The following DUSP14 variants were observed in gnomAD, a reference collection of about 807,000 sequenced individuals.
DUSP14 encodes dual specificity phosphatase 14.
Under a neutral mutation model 13.2 loss-of-function variants are expected in DUSP14, and 5 were observed. The observed-to-expected ratio is 0.38, with a 90% CI of 0.20 to 0.80. The LOEUF is 0.80. Ranked by LOEUF, DUSP14 falls within the 30% of genes least tolerant of loss-of-function variation. DUSP14 has a pLI of 0.44. For synonymous variants in DUSP14, 91 were observed against 103.4 expected (o/e 0.88, Z 0.73); for missense variants, 185 against 264.0 (o/e 0.70, Z 2.07).
At chr17:37,492,341 T>TG (rs1465998155) in intron 1 of DUSP14, among the ~76,000 whole-genome samples, 5 of 152,228 alleles carry the variant, frequency 3.3e-5, no homozygotes, top group African/African-American at 1.2e-4. Context: ...AACCAAGGCC[T>TG]GGGTATAAAC....
At chr17:37,508,734 A>AATATATATATAT (rs35158443) in intron 1 of DUSP14, among the ~76,000 whole-genome samples, 1 of 144,154 alleles carries the variant, frequency 6.9e-6, no homozygotes, top group African/African-American at 2.5e-5. Flanking sequence ...ACTCCATCTC[A>AATATATATATAT]ATATATATAT....
Position 37,510,842 on chromosome 17 carries a change from G to A in DUSP14, c.-93+78G>A, listed in dbSNP as rs139807374. On this transcript the variant is annotated intron_variant, in intron 2 of 2. Transcript: ENST00000617516. ...CTGAAATCACTGCAGGCTTCCCGAC[G>A]ATCCCCTGGGTGTGTGTGGGCAGGC... 6 of 152,078 alleles carry A rather than the reference G, an allele frequency of 3.9e-5. No homozygotes were observed. The East Asian group carries it at 9.7e-4, about 24-fold the overall frequency. 9.4% of individuals were successfully genotyped at this position (152,078 alleles called of 1,614,324 possible).
rs184331983 is a variant in DUSP14, at chr17:37,499,395, A to G, written c.-181+9437A>G. Among the ~76,000 whole-genome samples the G allele has an allele frequency of 4.4e-4, 67 of 152,228 alleles. 1 individual carries two copies. In the Middle Eastern group the frequency reaches 0.01, roughly 23 times the overall value. The stretch of plus-strand genomic sequence containing the variant: ...CACTGTTTGGCTCAGTCTGGAGTAC[A>G]GTGGCATGATCCTGGCTCACTGCAG... On this transcript the variant is annotated intron_variant, in intron 1 of 2. Transcript: ENST00000617516.
chr17:37,508,563 G>A lies in DUSP14; in HGVS notation c.-180-2114G>A, dbSNP rs141611003. 5.9e-5 allele frequency among the ~76,000 whole-genome samples: 9 copies of A among 152,016 alleles called. No homozygotes were observed. In the East Asian group the frequency reaches 7.8e-4, roughly 13 times the overall value. ...AGCCTGGCCAATGTGGCAAAACTCC[G>A]TCTCTACTTAAAGTACAAAAAATAG... On this transcript the variant is annotated intron_variant, in intron 1 of 2. Coordinates refer to ENST00000617516, the MANE Select transcript of DUSP14 (RefSeq NM_007026.4).
intron 1 of DUSP14, among the ~76,000 whole-genome samples, chr17:37,493,850 A>C (rs1015593356): frequency 1.3e-5 from 2 of 152,060 alleles, no homozygotes; most frequent in Non-Finnish European, 2.9e-5. Context: ...TGTAGTGTGC[A>C]GGAACCCAGG....
chr17:37,491,512 G>C (rs957942263), intron 1 of DUSP14: 1 of 152,118 alleles, frequency 6.6e-6, no homozygotes, highest in African/African-American at 2.4e-5. Flanking sequence ...TGGTATTTTT[G>C]GCTTTCCACC....
Position 37,509,104 on chromosome 17 carries a change from CATATATAT to C in DUSP14, c.-180-1555_-180-1548del, listed in dbSNP as rs1164025226. 8.3e-5 allele frequency among the ~76,000 whole-genome samples: 3 copies of C among 36,040 alleles called. 1 individual carries two copies. The highest frequency in any genetic ancestry group is 3.7e-4 in the African/African-American group (2 of 5,360). The allele number at this position is 36,040 out of a possible 152,430, so 23.6% of individuals were successfully genotyped here. ...AGCCAGACCAAAAAAAAAAAAAACC[CATATATAT>C]ATATATATATATATATACACACACA... On this transcript the variant is annotated intron_variant, in intron 1 of 2. Transcript: ENST00000617516.
intron 1 of DUSP14, among the ~76,000 whole-genome samples, chr17:37,496,504 C>T (rs1459022696): frequency 6.6e-6 from 1 of 151,968 alleles, no homozygotes; most frequent in African/African-American, 2.4e-5. Context: ...GCCTGTAATC[C>T]CAGCACTTTG....
rs1040472592 is a variant in DUSP14 at position 37,502,246 on chromosome 17, A to G, written c.-180-8431A>G. On this transcript the variant is annotated intron_variant, in intron 1 of 2. Transcript: ENST00000617516. ...CCCCAGGCTGGAGTGCAGTGGTGCA[A>G]TCACAGCTCCCTGCCCCTTTGACCT... Among the ~76,000 whole-genome samples the G allele has an allele frequency of 3.9e-5, 6 of 151,910 alleles. No homozygotes were observed. In the South Asian group the frequency reaches 1.2e-3, roughly 32 times the overall value.
chr17:37,508,501 A>G (rs779546232), intron 1 of DUSP14, among the ~76,000 whole-genome samples: 1 of 152,154 alleles, frequency 6.6e-6, no homozygotes, highest in Non-Finnish European at 1.5e-5. Flanking sequence ...TGGGAGGCCA[A>G]GGTGGGTGGA....
intron 2 of DUSP14, among the ~76,000 whole-genome samples, chr17:37,511,228 C>T (rs556813330): frequency 2.6e-5 from 4 of 152,194 alleles, no homozygotes; most frequent in African/African-American, 9.6e-5. Context: ...GGATTATTTC[C>T]ATGGAAATGC....
chr17:37,502,716 AC>A (rs1342616113), intron 1 of DUSP14, among the ~76,000 whole-genome samples: 1 of 152,028 alleles, frequency 6.6e-6, no homozygotes, highest in East Asian at 1.9e-4. Flanking sequence ...TTAGCTAAAC[AC>A]CCATGGCCTC....
intron 1 of DUSP14, among the ~76,000 whole-genome samples, chr17:37,506,882 G>C (rs1392291706): frequency 6.6e-6 from 1 of 152,160 alleles, no homozygotes; most frequent in African/African-American, 2.4e-5. Flanking sequence ...CGGCCCATCT[G>C]GGCTTAGCCT....
At chr17:37,508,260 G>A (rs2143110541) in intron 1 of DUSP14, among the ~76,000 whole-genome samples, 1 of 152,072 alleles carries the variant, frequency 6.6e-6, no homozygotes, top group Non-Finnish European at 1.5e-5. Context: ...CACCTCTGCA[G>A]CAGTTCTCAG....
At chr17:37,499,597 C>T (rs853212) in intron 1 of DUSP14, among the ~76,000 whole-genome samples, 1,998 of 152,160 alleles carry the variant, frequency 0.013, 48 homozygotes, top group African/African-American at 0.046. Context: ...GGCGCGATCT[C>T]GGCTCACTGC....
At chr17:37,494,442 G>T (rs1421696263) in intron 1 of DUSP14, among the ~76,000 whole-genome samples, 1 of 152,144 alleles carries the variant, frequency 6.6e-6, no homozygotes, top group Non-Finnish European at 1.5e-5. Flanking sequence ...GAACTGCTGG[G>T]CTCAAGGGAT....
Position 37,512,465 on chromosome 17 carries a change from A to G in DUSP14, c.193A>G (p.Asn65Asp). 1 of 1,614,124 alleles carries G rather than the reference A, an allele frequency of 6.2e-7. No individual in the cohort carries two copies. The highest frequency in any genetic ancestry group is 8.5e-7 in the Non-Finnish European group (1 of 1,180,012). Residue 65 changes from asparagine to aspartate, a missense_variant, in exon 3 of 3, where the codon AAT becomes GAT. Physicochemically the swap from Asn to Asp is conservative, Grantham distance 23. Coordinates refer to ENST00000617516, the MANE Select transcript of DUSP14 (RefSeq NM_007026.4). The surrounding 1 kb of genome is among the most constrained non-coding windows in gnomAD (Gnocchi z 4.8). ...CIVNATIEIP[N>D]FNWPQFEYVK... ...TGTTAATGCTACCATTGAGATCCCT[A>G]ATTTCAACTGGCCCCAATTTGAGTA...
intron 1 of DUSP14, among the ~76,000 whole-genome samples, chr17:37,504,048 G>T (rs963481806): frequency 6.6e-6 from 1 of 152,166 alleles, no homozygotes; most frequent in African/African-American, 2.4e-5. Flanking sequence ...ACAAAAATTA[G>T]CCAGGTGTGG....
chr17:37,498,680 T>G (rs865982519), intron 1 of DUSP14, among the ~76,000 whole-genome samples: 11 of 138,900 alleles, frequency 7.9e-5, no homozygotes, highest in Admixed American at 4.8e-4. Flanking sequence ...TAATCAGTTT[T>G]TTTTTTTTTT....
Sources: allele counts gnomAD v4.1 joint callset (sites outside exome capture counted in the v4.1 genomes callset), GRCh38; gene constraint gnomAD v4.1.1; non-coding constraint Gnocchi (gnomAD v3.1); transcripts MANE v1.5; gene names NCBI Gene and HGNC (gene_info 2026-07-23, HGNC 2026-07-21).